Variants in KAZN observed in about 807,000 individuals in gnomAD.
KAZN encodes kazrin, periplakin interacting protein, also known as kazrin.
In KAZN, 40 loss-of-function variants were observed where a neutral mutation model predicts 87.4. The ratio of observed to expected loss-of-function variants is 0.46; its 90% CI spans 0.36 to 0.60. KAZN has a LOEUF of 0.60. Among genes scored for constraint, KAZN ranks in the 20% least tolerant of loss-of-function variants. KAZN has a pLI of 0.00. For synonymous variants in KAZN, 466 were observed against 458.3 expected, an observed-to-expected ratio of 1.02 and a Z score of -0.22; for missense variants, 898 against 1,073.9, an observed-to-expected ratio of 0.84 and a Z score of 2.29.
chr1:14,079,766 G>A (rs879727879), intron 1 of KAZN, among the ~76,000 whole-genome samples: 5 of 152,322 alleles, frequency 3.3e-5, no homozygotes, highest in Non-Finnish European at 7.3e-5. Context: ...TGGGAAAAGA[G>A]TTAAACAACC....
At chr1:14,226,422 A>C (rs538061705) in intron 2 of KAZN, among the ~76,000 whole-genome samples, 27 of 152,258 alleles carry the variant, frequency 1.8e-4, no homozygotes, top group African/African-American at 6.0e-4. Flanking sequence ...AAAACAAAAA[A>C]CAAAAAAACA....
In KAZN at chr1:14,743,420, A is replaced by ACTC. The variant is rs1266371237; in HGVS notation, c.226+144198_226+144200dup. Among the ~76,000 whole-genome samples the ACTC allele has an allele frequency of 2.9e-5, 4 of 138,810 alleles. No homozygotes were observed. In the East Asian group the frequency reaches 8.1e-4, roughly 28 times the overall value. The allele number at this position is 138,810 out of a possible 152,430, so 91.1% of individuals were successfully genotyped here. On this transcript the variant is annotated intron_variant, in intron 1 of 14. Coordinates refer to ENST00000376030, the MANE Select transcript of KAZN (RefSeq NM_201628.3). ...ACTCTAGCCTGGGGGACTGAGCGAG[A>ACTC]CTCTGTCTCAAAAAAAAAAAAAAGT...
chr1:14,611,845 C>G (rs540129031), intron 1 of KAZN, among the ~76,000 whole-genome samples: 1 of 152,258 alleles, frequency 6.6e-6, no homozygotes, highest in African/African-American at 2.4e-5. Flanking sequence ...AGTTGGCAAA[C>G]TTTTTCTATA....
intron 1 of KAZN, among the ~76,000 whole-genome samples, chr1:14,739,163 G>A (rs1241842514): frequency 1.3e-5 from 2 of 152,160 alleles, no homozygotes; most frequent in Non-Finnish European, 2.9e-5. Context: ...GGGCAACAGA[G>A]TGAGACTTTG....
intron 1 of KAZN, among the ~76,000 whole-genome samples, chr1:14,792,246 C>A (rs1165760873): frequency 6.6e-6 from 1 of 152,154 alleles, no homozygotes; most frequent in Admixed American, 6.5e-5. Context: ...AATGTACAAG[C>A]TAGCATCCCT....
chr1:14,610,493 G>A (rs1677729904), intron 1 of KAZN, among the ~76,000 whole-genome samples: 1 of 152,144 alleles, frequency 6.6e-6, no homozygotes, highest in African/African-American at 2.4e-5. Context: ...AAAGTGCTGG[G>A]ATTACAGGCG....
intron 1 of KAZN, among the ~76,000 whole-genome samples, chr1:14,715,806 A>G (rs569416088): frequency 6.6e-6 from 1 of 152,322 alleles, no homozygotes; most frequent in Admixed American, 6.5e-5. Flanking sequence ...GAAGAGTGAA[A>G]CTATCTCTAA....
intron 1 of KAZN, among the ~76,000 whole-genome samples, chr1:14,867,724 A>ATCCCCCCCC (rs35065469): frequency 2.0e-4 from 22 of 107,420 alleles, no homozygotes; most frequent in South Asian, 3.5e-4. Context: ...CTTTGAAGAC[A>ATCCCCCCCC]CCCCCCCCCC....
chr1:14,905,486 C>T (rs1199081338), intron 1 of KAZN, among the ~76,000 whole-genome samples: 1 of 152,220 alleles, frequency 6.6e-6, no homozygotes, highest in Non-Finnish European at 1.5e-5. Flanking sequence ...CACATCCTCC[C>T]AAGGTCTCCT....
intron 1 of KAZN, among the ~76,000 whole-genome samples, chr1:14,069,044 G>A (rs1570661585): frequency 1.3e-5 from 2 of 152,160 alleles, no homozygotes; most frequent in South Asian, 2.1e-4. Flanking sequence ...TGATGTGCCT[G>A]CCTGGGCCTC....
At chr1:14,874,466 C>A (rs1007266370) in intron 1 of KAZN, among the ~76,000 whole-genome samples, 9 of 138,028 alleles carry the variant, frequency 6.5e-5, no homozygotes, top group Middle Eastern at 3.4e-3. Flanking sequence ...AGCTAGCTGG[C>A]TGACTGGATG....
intron 2 of KAZN, among the ~76,000 whole-genome samples, chr1:14,286,141 C>G (rs1451121573): frequency 6.6e-6 from 1 of 152,316 alleles, no homozygotes; most frequent in African/African-American, 2.4e-5. Flanking sequence ...TGTCATCTCA[C>G]AGTTCTGGAG....
At chr1:14,103,838 G>T (rs553889841) in intron 1 of KAZN, among the ~76,000 whole-genome samples, 2 of 152,102 alleles carry the variant, frequency 1.3e-5, no homozygotes, top group African/African-American at 4.8e-5. Flanking sequence ...CACAGGTTCC[G>T]GGGATTAGTA....
At chr1:14,197,291 G>A (rs907668091) in intron 2 of KAZN, among the ~76,000 whole-genome samples, 5 of 150,626 alleles carry the variant, frequency 3.3e-5, no homozygotes, top group Non-Finnish European at 5.9e-5. Flanking sequence ...AGATAAGACA[G>A]TGCCTGCCAT....
chr1:13,974,125 G>T (rs974689079), intron 1 of KAZN, among the ~76,000 whole-genome samples: 1 of 152,248 alleles, frequency 6.6e-6, no homozygotes, highest in Non-Finnish European at 1.5e-5. Flanking sequence ...TGTGTGAAAT[G>T]TTATCAAACC....
At chr1:15,036,255 C>A (rs1176004550) in intron 3 of KAZN, among the ~76,000 whole-genome samples, 19 of 27,690 alleles carry the variant, frequency 6.9e-4, no homozygotes, top group South Asian at 1.5e-3. Context: ...GCCTGCTCGC[C>A]CCAGCCCTCC....
intron 2 of KAZN, among the ~76,000 whole-genome samples, chr1:14,213,251 G>T (rs1017078644): frequency 6.6e-6 from 1 of 152,108 alleles, no homozygotes; most frequent in Non-Finnish European, 1.5e-5. Flanking sequence ...ATGCCCCTTG[G>T]TTGCTGGCTC....
chr1:14,481,351 G>A (rs1170592077), intron 2 of KAZN, among the ~76,000 whole-genome samples: 2 of 152,064 alleles, frequency 1.3e-5, no homozygotes, highest in African/African-American at 2.4e-5. Flanking sequence ...AGTAAGGTTA[G>A]CCATTATTAA....
At chr1:14,876,847 C>T (rs911148383) in intron 1 of KAZN, among the ~76,000 whole-genome samples, 16 of 152,120 alleles carry the variant, frequency 1.1e-4, no homozygotes, top group Admixed American at 5.9e-4. Flanking sequence ...CTTGTCTTAC[C>T]ACTTAGAATA....
Sources: gnomAD v4.1 joint callset for allele counts (sites outside exome capture counted in the v4.1 genomes callset) on GRCh38, gnomAD v4.1.1 for gene constraint, MANE v1.5 for transcripts, NCBI Gene and HGNC (gene_info 2026-07-23, HGNC 2026-07-21) for gene names.